Variants in SLC14A2 observed in about 807,000 individuals in gnomAD.
The protein encoded by SLC14A2 is solute carrier family 14 member 2.
SLC14A2 carries 91 observed loss-of-function variants against 104.6 expected under a neutral mutation model. The ratio of observed to expected loss-of-function variants is 0.87; its 90% CI spans 0.73 to 1.04. SLC14A2 has a LOEUF of 1.04. SLC14A2 is among the 50% of genes least tolerant of loss of function. The pLI, the probability that SLC14A2 is intolerant of heterozygous loss-of-function variation, is 0.00. For synonymous variants in SLC14A2, 476 were observed against 466.4 expected, an observed-to-expected ratio of 1.02 and a Z score of -0.27; for missense variants, 1,189 against 1,156.0, an observed-to-expected ratio of 1.03 and a Z score of -0.41.
At chr18:45,273,380 A>T (rs1034861126) in intron 1 of SLC14A2, among the ~76,000 whole-genome samples, 7 of 152,112 alleles carry the variant, frequency 4.6e-5, no homozygotes, top group Non-Finnish European at 8.8e-5. Flanking sequence ...GGAAAATGGG[A>T]TGCTATGATT....
chr18:45,618,322 A>G (rs1199816363), intron 1 of SLC14A2, among the ~76,000 whole-genome samples: 2 of 152,154 alleles, frequency 1.3e-5, no homozygotes, highest in African/African-American at 4.8e-5. Flanking sequence ...AGAACCTGCT[A>G]ATCACTTTTA....
At chr18:45,212,733 C>A (rs938830082), upstream of SLC14A2, among the ~76,000 whole-genome samples, 1 of 152,166 alleles carries the variant, frequency 6.6e-6, no homozygotes, top group Non-Finnish European at 1.5e-5. Flanking sequence ...ACGTATGCCA[C>A]CCCAGGTGTA....
At chr18:45,515,377 A>G (rs2043424640) in intron 2 of SLC14A2, 1 of 152,214 alleles carries the variant, frequency 6.6e-6, no homozygotes, top group Non-Finnish European at 1.5e-5. Flanking sequence ...GATTAATACT[A>G]ACTAGCTGGG....
intron 8 of SLC14A2, 139 bp from the exon 9 acceptor site, chr18:45,642,993 A>G: frequency 1.4e-6 from 1 of 704,640 alleles, no homozygotes; most frequent in South Asian, 1.7e-5. Flanking sequence ...GCCAGCTGTC[A>G]GGGCATGGTG....
intron 2 of SLC14A2, 140 bp downstream of exon 2, chr18:45,624,954 G>T (rs1395414951): frequency 2.5e-6 from 2 of 811,340 alleles, no homozygotes; most frequent in East Asian, 5.4e-5. Flanking sequence ...GACACCCATG[G>T]TGGGTCCTAC....
At chr18:45,569,622 G>A (rs978917684) in intron 2 of SLC14A2, among the ~76,000 whole-genome samples, 4 of 152,190 alleles carry the variant, frequency 2.6e-5, no homozygotes, top group Admixed American at 2.6e-4. Flanking sequence ...CACCCTAGCT[G>A]ACTACATGTG....
At chr18:45,351,130 A>C (rs2085499393) in intron 1 of SLC14A2, among the ~76,000 whole-genome samples, 3 of 151,990 alleles carry the variant, frequency 2.0e-5, no homozygotes, top group Admixed American at 6.6e-5. Context: ...GGTGTTCTTT[A>C]GTCTTTTATT....
intron 1 of SLC14A2, among the ~76,000 whole-genome samples, chr18:45,471,464 G>A (rs925449463): frequency 7.9e-5 from 12 of 152,058 alleles, no homozygotes; most frequent in African/African-American, 2.4e-4. Flanking sequence ...TTTGAAAACC[G>A]TTTTGAAATT....
At chr18:45,200,742 T>C in the SLC14A2 span, among the ~76,000 whole-genome samples, 6 of 152,328 alleles carry the variant, frequency 3.9e-5, no homozygotes, top group South Asian at 1.2e-3. Context: ...ATGCAATATG[T>C]AGATTTCTTT....
intron 10 of SLC14A2, among the ~76,000 whole-genome samples, chr18:45,662,045 C>T (rs2045944158): frequency 1.3e-5 from 2 of 152,312 alleles, no homozygotes. Flanking sequence ...TAGCTCACGC[C>T]TGTACTCCCA....
intron 2 of SLC14A2, among the ~76,000 whole-genome samples, chr18:45,575,377 C>T (rs959805150): frequency 1.5e-4 from 23 of 152,192 alleles, no homozygotes; most frequent in Non-Finnish European, 2.6e-4. Context: ...AGCCTGGGCT[C>T]TCAGATCCCC....
chr18:45,584,399 A>T (rs2044539323), intron 2 of SLC14A2, among the ~76,000 whole-genome samples: 1 of 152,208 alleles, frequency 6.6e-6, no homozygotes, highest in South Asian at 2.1e-4. Context: ...ACTAATTACC[A>T]CATATTCTTT....
intron 1 of SLC14A2, among the ~76,000 whole-genome samples, chr18:45,302,185 A>C (rs958038094): frequency 3.9e-5 from 6 of 152,246 alleles, no homozygotes; most frequent in African/African-American, 9.6e-5. Flanking sequence ...AGCATCATTC[A>C]AGGCTCTTGG....
chr18:45,356,283 CA>C (rs1299232860), intron 1 of SLC14A2, among the ~76,000 whole-genome samples: 3 of 152,172 alleles, frequency 2.0e-5, no homozygotes, highest in African/African-American at 7.2e-5. Context: ...TTCTGTGGGA[CA>C]AAATGAGATC....
the SLC14A2 span, among the ~76,000 whole-genome samples, chr18:45,185,014 G>A: frequency 2.0e-5 from 3 of 152,166 alleles, no homozygotes; most frequent in Non-Finnish European, 4.4e-5. Context: ...TATTTTATTG[G>A]AAAGTATAAT....
At chr18:45,563,950 A>C (rs2044235897) in intron 2 of SLC14A2, among the ~76,000 whole-genome samples, 1 of 152,178 alleles carries the variant, frequency 6.6e-6, no homozygotes, top group South Asian at 2.1e-4. Context: ...TTTTTCTTTC[A>C]CAGCAACAAA....
At chr18:45,484,313 G>A (rs1450415795) in intron 2 of SLC14A2, among the ~76,000 whole-genome samples, 1 of 152,106 alleles carries the variant, frequency 6.6e-6, no homozygotes, top group East Asian at 1.9e-4. Context: ...AATCATATGG[G>A]CCTCTCCTTG....
intron 1 of SLC14A2, among the ~76,000 whole-genome samples, chr18:45,338,202 G>GT (rs1318088904): frequency 6.6e-6 from 1 of 151,982 alleles, no homozygotes; most frequent in Non-Finnish European, 1.5e-5. Flanking sequence ...TTGTTTGTTT[G>GT]TTTTTTGATT....
At chr18:45,428,808 T>C (rs2086472267) in intron 1 of SLC14A2, among the ~76,000 whole-genome samples, 1 of 152,210 alleles carries the variant, frequency 6.6e-6, no homozygotes, top group African/African-American at 2.4e-5. Flanking sequence ...AAACTTTCAT[T>C]TGAGTTCTGT....
Sources: allele counts gnomAD v4.1 joint callset (sites outside exome capture counted in the v4.1 genomes callset), GRCh38; gene constraint gnomAD v4.1.1; transcripts MANE v1.5; gene names NCBI Gene and HGNC (gene_info 2026-07-23, HGNC 2026-07-21).